The following TMEM132B variants were observed in gnomAD, a reference collection of about 807,000 sequenced individuals.
TMEM132B encodes transmembrane protein 132B.
TMEM132B carries 18 observed loss-of-function variants against 90.8 expected under a neutral mutation model. The observed-to-expected ratio is 0.20, with a 90% CI of 0.14 to 0.29. The LOEUF (loss-of-function observed/expected upper bound fraction) is 0.29, where lower values mean the gene tolerates loss of function less well. Ranked by LOEUF, TMEM132B falls within the 10% of genes least tolerant of loss-of-function variation. The pLI is 1.00. For missense variants in TMEM132B, 1,096 were observed against 1,326.8 expected (o/e 0.83, Z 2.70); for synonymous variants, 504 against 523.3 (o/e 0.96, Z 0.50).
chr12:125,521,764 C>T (rs149743138), intron 4 of TMEM132B, among the ~76,000 whole-genome samples: 1,769 of 152,228 alleles, frequency 0.012, 23 homozygotes, highest in African/African-American at 0.04. Flanking sequence ...GGGCTGGGAG[C>T]GGGGTGAGGA....
intron 4 of TMEM132B, among the ~76,000 whole-genome samples, chr12:125,555,843 T>C (rs1439769671): frequency 6.6e-6 from 1 of 152,196 alleles, no homozygotes; most frequent in Non-Finnish European, 1.5e-5. Context: ...ATATCTAAAA[T>C]AAGGAATGCT....
At chr12:125,542,239 GTCTT>G (rs1263754838) in intron 4 of TMEM132B, among the ~76,000 whole-genome samples, 2 of 152,138 alleles carry the variant, frequency 1.3e-5, no homozygotes, top group African/African-American at 4.8e-5. Context: ...GCTCAACAAT[GTCTT>G]TCTTCAAGAG....
intron 1 of TMEM132B, among the ~76,000 whole-genome samples, chr12:125,321,341 T>C (rs1456474167): frequency 6.6e-6 from 1 of 152,152 alleles, no homozygotes; most frequent in East Asian, 1.9e-4. Context: ...CATAATGAGA[T>C]ACCACTGCAC....
chr12:125,442,699 C>T (rs1036900839), intron 3 of TMEM132B, among the ~76,000 whole-genome samples: 4 of 152,230 alleles, frequency 2.6e-5, no homozygotes, highest in Non-Finnish European at 5.9e-5. Flanking sequence ...AGGGACTCTA[C>T]TGCCCTGAGC....
At chr12:125,633,116 A>T (rs1278744402) in intron 5 of TMEM132B, among the ~76,000 whole-genome samples, 1 of 151,818 alleles carries the variant, frequency 6.6e-6, no homozygotes, top group Non-Finnish European at 1.5e-5. Context: ...TTCTTTTTTT[A>T]AATTTTGTCT....
intron 1 of TMEM132B, among the ~76,000 whole-genome samples, chr12:125,255,821 G>C (rs1035040609): frequency 6.6e-6 from 1 of 152,206 alleles, no homozygotes; most frequent in Non-Finnish European, 1.5e-5. Flanking sequence ...AGAGATGAAA[G>C]ATGGCTCTGG....
intron 2 of TMEM132B, among the ~76,000 whole-genome samples, chr12:125,375,751 C>T (rs1425957526): frequency 4.6e-5 from 7 of 152,220 alleles, no homozygotes; most frequent in African/African-American, 1.4e-4. Context: ...GGTAAACCCA[C>T]GTTAGTGAGA....
Position 125,638,046 on chromosome 12 carries a change from G to A in TMEM132B, c.1438-6030G>A, listed in dbSNP as rs367824993. 1.0e-3 allele frequency among the ~76,000 whole-genome samples: 157 copies of A among 152,260 alleles called. 2 individuals are homozygous for A. The highest frequency in any genetic ancestry group is 3.6e-3 in the African/African-American group (150 of 41,554). ...AAAAAGTACTGATGTGTGTATTTAG[G>A]TCTTGCCTTTCCCAATCGGCCTGTG... On this transcript the variant is annotated intron_variant, in intron 5 of 8. Coordinates refer to ENST00000682704, the MANE Select transcript of TMEM132B (RefSeq NM_001366854.1).
At chr12:125,436,366 C>T (rs1399910166) in intron 3 of TMEM132B, among the ~76,000 whole-genome samples, 1 of 152,122 alleles carries the variant, frequency 6.6e-6, no homozygotes, top group Non-Finnish European at 1.5e-5. Flanking sequence ...TGGAATCGTA[C>T]CTCTTCCCCT....
At chr12:125,428,765 A>G (rs1250367589) in intron 3 of TMEM132B, among the ~76,000 whole-genome samples, 1 of 152,146 alleles carries the variant, frequency 6.6e-6, no homozygotes, top group Non-Finnish European at 1.5e-5. Context: ...TTGAAATGAC[A>G]TTTTATTTGA....
chr12:125,504,917 GAGGC>G (rs1156361768), intron 3 of TMEM132B, among the ~76,000 whole-genome samples: 2 of 151,938 alleles, frequency 1.3e-5, no homozygotes, highest in Admixed American at 6.6e-5. Context: ...TAGAGAAAGA[GAGGC>G]CTCACATTCT....
chr12:125,538,684 G>C (rs1883877141), intron 4 of TMEM132B, among the ~76,000 whole-genome samples: 1 of 152,164 alleles, frequency 6.6e-6, no homozygotes, highest in Non-Finnish European at 1.5e-5. Flanking sequence ...CTCTGCCAGA[G>C]GCATTCGTTT....
At chr12:125,543,700 C>T (rs907857827) in intron 4 of TMEM132B, among the ~76,000 whole-genome samples, 1 of 152,158 alleles carries the variant, frequency 6.6e-6, no homozygotes, top group Non-Finnish European at 1.5e-5. Flanking sequence ...TTATAAACAT[C>T]AGATGCTGGC....
chr12:125,208,547 G>A (rs1873237644), intron 1 of TMEM132B, among the ~76,000 whole-genome samples: 2 of 152,198 alleles, frequency 1.3e-5, no homozygotes, highest in African/African-American at 4.8e-5. Context: ...CACATAGCAT[G>A]TGGCCATCTG....
intron 1 of TMEM132B, among the ~76,000 whole-genome samples, chr12:125,328,734 A>C (rs931738796): frequency 6.6e-6 from 1 of 152,210 alleles, no homozygotes; most frequent in Non-Finnish European, 1.5e-5. Context: ...GTAAGGTTCC[A>C]GGTGGATGTG....
intron 5 of TMEM132B, among the ~76,000 whole-genome samples, chr12:125,597,439 T>A (rs1023852560): frequency 6.6e-6 from 1 of 152,166 alleles, no homozygotes; most frequent in South Asian, 2.1e-4. Flanking sequence ...AAAAAGACAC[T>A]TGTAATTTCT....
At chr12:125,305,363 T>C (rs1565997643) in intron 1 of TMEM132B, among the ~76,000 whole-genome samples, 1 of 151,204 alleles carries the variant, frequency 6.6e-6, no homozygotes, top group Non-Finnish European at 1.5e-5. Context: ...ACTAAAGTTC[T>C]GATGGGAAGT....
intron 2 of TMEM132B, among the ~76,000 whole-genome samples, chr12:125,399,659 C>T (rs1879259948): frequency 6.6e-6 from 1 of 152,028 alleles, no homozygotes. Flanking sequence ...TTTTGAGTCA[C>T]CAGTTTGTGG....
chr12:125,240,552 G>A (rs1425376644), intron 1 of TMEM132B, among the ~76,000 whole-genome samples: 1 of 152,120 alleles, frequency 6.6e-6, no homozygotes, highest in Non-Finnish European at 1.5e-5. Context: ...TGGAGTCAGA[G>A]GGTAGGAATG....
Sources: gnomAD v4.1 joint callset for allele counts (sites outside exome capture counted in the v4.1 genomes callset) on GRCh38, gnomAD v4.1.1 for gene constraint, MANE v1.5 for transcripts, NCBI Gene and HGNC (gene_info 2026-07-23, HGNC 2026-07-21) for gene names.